Variants in SPRR2G observed in about 807,000 individuals in gnomAD.
SPRR2G encodes the protein small proline-rich protein 2G.
Under a neutral mutation model 0.7 loss-of-function variants are expected in SPRR2G, and 1 was observed. That is an observed-to-expected ratio of 1.49 (90% confidence interval 0.53 to 7.06). SPRR2G has a LOEUF of 7.06. SPRR2G is among the 30% of genes most tolerant of loss of function. The pLI is 0.14. For missense variants in SPRR2G, 96 were observed against 88.5 expected (o/e 1.09, Z -0.34); for synonymous variants, 38 against 33.9 (o/e 1.12, Z -0.42).
At chr1:153,153,316 A>G (rs1229489243), upstream of SPRR2G, among the ~76,000 whole-genome samples, 1 of 150,788 alleles carries the variant, frequency 6.6e-6, no homozygotes, top group African/African-American at 2.5e-5. Flanking sequence ...AGTAAATACT[A>G]TGTTAGCAAA....
At chr1:153,187,393 T>C in the SPRR2G span, among the ~76,000 whole-genome samples, 3 of 152,092 alleles carry the variant, frequency 2.0e-5, no homozygotes, top group African/African-American at 7.2e-5. Context: ...AGGCTTTGTT[T>C]GTTCCTTTTC....
At position 153,149,853 on chromosome 1, in the gene SPRR2G, C is replaced by G. The variant is rs1656419909; in HGVS notation, c.*36G>C. 1.2e-6 allele frequency: 2 copies of G among 1,612,046 alleles called. No individual in the cohort carries two copies. The highest frequency in any genetic ancestry group is 1.7e-6 in the Non-Finnish European group (2 of 1,178,362). ...CTGGGAGTAAGAAGAGCCACTGGATCTTGTTGTTTCATGGTCCTGATGAAT... is the reference window on the plus strand; with the variant it reads ...CTGGGAGTAAGAAGAGCCACTGGATGTTGTTGTTTCATGGTCCTGATGAAT... On this transcript the variant is annotated 3_prime_UTR_variant, in exon 2 of 2. Transcript: ENST00000368748.
At chr1:153,158,056 A>G in the SPRR2G span, among the ~76,000 whole-genome samples, 4,694 of 152,182 alleles carry the variant, frequency 0.031, 240 homozygotes, top group African/African-American at 0.11. Flanking sequence ...GGGTGGGTAC[A>G]CAGAGATAAG....
At chr1:153,180,604 T>C in the SPRR2G span, among the ~76,000 whole-genome samples, 3 of 152,224 alleles carry the variant, frequency 2.0e-5, no homozygotes, top group Non-Finnish European at 1.5e-5. Context: ...TGTGACTATA[T>C]GTACACACTT....
chr1:153,189,172 C>A, the SPRR2G span, among the ~76,000 whole-genome samples: 1 of 152,164 alleles, frequency 6.6e-6, no homozygotes, highest in East Asian at 1.9e-4. Context: ...TTTTCTTTTA[C>A]ATTTGAAATT....
the SPRR2G span, among the ~76,000 whole-genome samples, chr1:153,180,361 C>T: frequency 6.6e-6 from 1 of 152,114 alleles, no homozygotes; most frequent in African/African-American, 2.4e-5. Context: ...GGGAATCATA[C>T]AGTATGAACT....
At chr1:153,164,031 A>G in the SPRR2G span, among the ~76,000 whole-genome samples, 76,926 of 152,116 alleles carry the variant, frequency 0.51, 20,036 homozygotes, top group East Asian at 0.64. Flanking sequence ...ATCAATAATA[A>G]CAATACAATT....
At chr1:153,159,030 G>A in the SPRR2G span, among the ~76,000 whole-genome samples, 1 of 152,166 alleles carries the variant, frequency 6.6e-6, no homozygotes, top group Non-Finnish European at 1.5e-5. Flanking sequence ...AGGCCTCTGT[G>A]CCTATGATGG....
the SPRR2G span, among the ~76,000 whole-genome samples, chr1:153,199,126 C>G: frequency 1.3e-5 from 2 of 152,086 alleles, no homozygotes; most frequent in African/African-American, 4.8e-5. Context: ...CAAAAATACA[C>G]AAATATCAAG....
chr1:153,201,746 C>G, the SPRR2G span, among the ~76,000 whole-genome samples: 8 of 152,082 alleles, frequency 5.3e-5, no homozygotes, highest in African/African-American at 7.2e-5. Flanking sequence ...TGAATAAACC[C>G]CATATGAGGT....
chr1:153,179,252 T>C, the SPRR2G span, among the ~76,000 whole-genome samples: 1 of 152,168 alleles, frequency 6.6e-6, no homozygotes, highest in African/African-American at 2.4e-5. Context: ...AGTCAATTCA[T>C]AATGGACTTT....
chr1:153,199,944 G>A, the SPRR2G span, among the ~76,000 whole-genome samples: 6 of 151,882 alleles, frequency 4.0e-5, no homozygotes, highest in Non-Finnish European at 8.8e-5. Context: ...TACACAGAGA[G>A]ATAGAAAAAG....
upstream of SPRR2G, among the ~76,000 whole-genome samples, chr1:153,154,763 G>T (rs1656548090): frequency 1.3e-5 from 2 of 151,158 alleles, no homozygotes; most frequent in South Asian, 4.2e-4. Flanking sequence ...TATTAGTCTA[G>T]CTAGAGGTTT....
the SPRR2G span, among the ~76,000 whole-genome samples, chr1:153,157,731 A>G: frequency 6.6e-6 from 1 of 152,062 alleles, no homozygotes; most frequent in Non-Finnish European, 1.5e-5. Context: ...TTATATTTTA[A>G]AGTGCACAGT....
the SPRR2G span, among the ~76,000 whole-genome samples, chr1:153,179,317 G>T: frequency 6.6e-6 from 1 of 152,028 alleles, no homozygotes; most frequent in Non-Finnish European, 1.5e-5. Flanking sequence ...GAGTAACTAG[G>T]GACTGTCATG....
chr1:153,189,254 T>G, the SPRR2G span, among the ~76,000 whole-genome samples: 1 of 152,208 alleles, frequency 6.6e-6, no homozygotes, highest in Admixed American at 6.5e-5. Context: ...GTGTAACATA[T>G]GCTTAAATAT....
At chr1:153,159,544 C>T in the SPRR2G span, among the ~76,000 whole-genome samples, 1 of 152,228 alleles carries the variant, frequency 6.6e-6, no homozygotes, top group Non-Finnish European at 1.5e-5. Context: ...TCTAAAGTCA[C>T]TTTCACATTT....
chr1:153,176,895 T>C, the SPRR2G span, among the ~76,000 whole-genome samples: 1 of 152,152 alleles, frequency 6.6e-6, no homozygotes, highest in South Asian at 2.1e-4. Context: ...GAAAAGTAAA[T>C]AGAAACCATA....
At chr1:153,180,610 C>T in the SPRR2G span, among the ~76,000 whole-genome samples, 1 of 152,166 alleles carries the variant, frequency 6.6e-6, no homozygotes, top group Non-Finnish European at 1.5e-5. Context: ...TATATGTACA[C>T]ACTTCTGTTA....
Sources: allele counts gnomAD v4.1 joint callset (sites outside exome capture counted in the v4.1 genomes callset), GRCh38; gene constraint gnomAD v4.1.1; transcripts MANE v1.5; gene names NCBI Gene and HGNC (gene_info 2026-07-23, HGNC 2026-07-21).